DBF4: variants seen among roughly 807,000 people sequenced by gnomAD.
The protein encoded by DBF4 is protein DBF4 homolog A.
A neutral mutation model predicts 76.6 loss-of-function variants in DBF4; 25 were observed. That is an observed-to-expected ratio of 0.33 (90% confidence interval 0.24 to 0.46). The LOEUF (loss-of-function observed/expected upper bound fraction) is 0.46, where lower values mean the gene tolerates loss of function less well. Among genes scored for constraint, DBF4 ranks in the 20% least tolerant of loss-of-function variants. The pLI, the probability that DBF4 is intolerant of heterozygous loss-of-function variation, is 1.00. For synonymous variants in DBF4, 213 were observed against 258.0 expected (o/e 0.83, Z 1.67); for missense variants, 638 against 760.8 (o/e 0.84, Z 1.90).
Position 87,887,413 on chromosome 7 carries a change from A to C in DBF4, c.520+15A>C. ...TCATATTGATGGTAAGGATTTTATA[A>C]TTGTTTTTTGACAGTATTTGTTTTA... On this transcript the variant is annotated intron_variant, in intron 5 of 11. Coordinates refer to ENST00000265728, the MANE Select transcript of DBF4 (RefSeq NM_006716.4). The C allele has an allele frequency of 6.4e-7, 1 of 1,559,694 alleles. No individual in the cohort carries two copies.
chr7:87,881,128 C>G (rs1839203198), intron 2 of DBF4, among the ~76,000 whole-genome samples: 1 of 152,204 alleles, frequency 6.6e-6, no homozygotes, highest in Admixed American at 6.5e-5. Flanking sequence ...TGAATCCAGC[C>G]AGGCTCGGAG....
At chr7:87,890,830 A>G (rs528314286) in intron 6 of DBF4, among the ~76,000 whole-genome samples, 6 of 152,352 alleles carry the variant, frequency 3.9e-5, no homozygotes, top group Non-Finnish European at 8.8e-5. Context: ...TAAAATAGCT[A>G]TGAAACAGAT....
At position 87,900,404 on chromosome 7, in the gene DBF4, T is replaced by C. The variant is rs1839747810; in HGVS notation, c.809+55T>C. 7 of 1,536,424 alleles carry C rather than the reference T, an allele frequency of 4.6e-6. No individual in the cohort carries two copies. In the Admixed American group the frequency reaches 6.7e-5, roughly 15 times the overall value. On this transcript the variant is annotated intron_variant, in intron 9 of 11. Coordinates refer to ENST00000265728, the MANE Select transcript of DBF4 (RefSeq NM_006716.4). ...ATATTCAGAATTTCATCTCAATTTTTCTTTGTAAAGATTTGAAATAGTTTC... is the reference window on the plus strand; with the variant it reads ...ATATTCAGAATTTCATCTCAATTTTCCTTTGTAAAGATTTGAAATAGTTTC...
At position 87,876,544 on chromosome 7, in the gene DBF4, C is replaced by G; in HGVS notation, c.-189C>G. ...GTTTGTGCTTTGCGCCTTCCTCCTC[C>G]GCGCCTTGGAGCCGGATCCGGCCCC... On this transcript the variant is annotated 5_prime_UTR_variant, in exon 1 of 12. Coordinates refer to ENST00000265728, the MANE Select transcript of DBF4 (RefSeq NM_006716.4). 3.2e-6 allele frequency: 2 copies of G among 624,792 alleles called. No homozygotes were observed. Among genetic ancestry groups the G allele is most frequent in the Non-Finnish European group, 2.8e-6 (1 of 353,242 alleles). 38.7% of individuals were successfully genotyped at this position (624,792 alleles called of 1,614,324 possible).
intron 8 of DBF4, among the ~76,000 whole-genome samples, chr7:87,899,747 T>C (rs1049947654): frequency 1.3e-5 from 2 of 152,340 alleles, no homozygotes; most frequent in East Asian, 1.9e-4. Context: ...TTTAAGACGT[T>C]ATGCTAAGTG....
intron 6 of DBF4, 90 bp from the exon 7 acceptor site, chr7:87,896,384 A>AT (rs989777557): frequency 2.0e-5 from 20 of 1,008,534 alleles, no homozygotes; most frequent in Admixed American, 9.2e-5. Flanking sequence ...TTTCTGCATG[A>AT]TTTTTTTATC....
chr7:87,884,002 A>T (rs1043838862), intron 2 of DBF4, among the ~76,000 whole-genome samples: 3 of 152,110 alleles, frequency 2.0e-5, no homozygotes, highest in African/African-American at 7.2e-5. Context: ...ACTTTGGTAC[A>T]TGTCTTTATA....
intron 10 of DBF4, among the ~76,000 whole-genome samples, chr7:87,902,682 T>C (rs1839817089): frequency 6.6e-6 from 1 of 152,210 alleles, no homozygotes; most frequent in Admixed American, 6.5e-5. Context: ...AAATTTTTCC[T>C]TCCCAGAACA....
intron 6 of DBF4, among the ~76,000 whole-genome samples, chr7:87,889,068 A>G (rs569642345): frequency 5.2e-4 from 79 of 152,334 alleles, no homozygotes; most frequent in African/African-American, 1.9e-3. Context: ...GTGACAAAAG[A>G]TAAAGCTGGA....
intron 2 of DBF4, among the ~76,000 whole-genome samples, chr7:87,884,736 A>AT (rs1260540569): frequency 6.6e-6 from 1 of 152,136 alleles, no homozygotes; most frequent in East Asian, 1.9e-4. Flanking sequence ...TCAAATTGAA[A>AT]TTTTTTACTG....
chr7:87,880,749 C>T (rs1839191827), intron 2 of DBF4, among the ~76,000 whole-genome samples: 1 of 151,956 alleles, frequency 6.6e-6, no homozygotes, highest in East Asian at 1.9e-4. Flanking sequence ...CCACTGAGAG[C>T]ACAGCACCCA....
Position 87,908,059 on chromosome 7 carries a change from A to G in DBF4, c.1921A>G (p.Ser641Gly), listed in dbSNP as rs917061392. Residue 641 changes from serine (S) to glycine (G), a missense_variant, in exon 12 of 12, where the codon AGT becomes GGT. Coordinates refer to ENST00000265728, the MANE Select transcript of DBF4 (RefSeq NM_006716.4). Reference sequence around the variant, plus strand: ...GGGTTTCACAAGCTACACAGAAAAGAGTGGTATATGCAATGTTTTAGATAT... The same window carrying G: ...GGGTTTCACAAGCTACACAGAAAAGGGTGGTATATGCAATGTTTTAGATAT... ...FLGFTSYTEK[S>G]GICNVLDIWE... 6.8e-6 allele frequency: 11 copies of G among 1,613,636 alleles called. No individual in the cohort carries two copies. Among genetic ancestry groups the G allele is most frequent in the South Asian group, 1.1e-5 (1 of 91,028 alleles).
chr7:87,887,323 T>C lies in DBF4; in HGVS notation c.451-6T>C. ...TAGAACAACCATAAAACTTTTTTTT[T>C]TACAGGATTTTATTCCTTCAAATAG... On this transcript the variant is annotated splice_region_variant and splice_polypyrimidine_tract_variant and intron_variant, in intron 4 of 11. Coordinates refer to ENST00000265728, the MANE Select transcript of DBF4 (RefSeq NM_006716.4). 1 of 1,509,068 alleles carries C rather than the reference T, an allele frequency of 6.6e-7. No individual in the cohort carries two copies. The highest frequency in any genetic ancestry group is 9.0e-7 in the Non-Finnish European group (1 of 1,112,246). The allele number at this position is 1,509,068 out of a possible 1,614,324, so 93.5% of individuals were successfully genotyped here.
intron 6 of DBF4, among the ~76,000 whole-genome samples, chr7:87,892,050 A>G (rs1296094050): frequency 6.6e-6 from 1 of 152,236 alleles, no homozygotes; most frequent in African/African-American, 2.4e-5. Flanking sequence ...AACATCCCAC[A>G]CCAGAGTGGT....
At position 87,876,547 on chromosome 7, in the gene DBF4, G is replaced by T. The variant is rs984881625; in HGVS notation, c.-186G>T. ...TGTGCTTTGCGCCTTCCTCCTCCGC[G>T]CCTTGGAGCCGGATCCGGCCCCGGA... is the stretch of plus-strand genomic sequence containing the variant. On this transcript the variant is annotated 5_prime_UTR_variant, in exon 1 of 12. Coordinates refer to ENST00000265728, the MANE Select transcript of DBF4 (RefSeq NM_006716.4). 4 of 624,572 alleles carry T rather than the reference G, an allele frequency of 6.4e-6. No individual in the cohort carries two copies. In the Admixed American group the frequency reaches 8.3e-5, roughly 13 times the overall value. 38.7% of individuals were successfully genotyped at this position (624,572 alleles called of 1,614,324 possible). A position where few individuals can be genotyped will look rare whatever the true frequency, so the allele number is the denominator to read the frequency against.
At chr7:87,896,394 C>A in intron 6 of DBF4, 80 bp from the exon 7 acceptor site, 1 of 1,074,172 alleles carries the variant, frequency 9.3e-7, no homozygotes, top group Non-Finnish European at 1.4e-6. Flanking sequence ...ATTTTTTTAT[C>A]TTGAAGATAC....
intron 2 of DBF4, among the ~76,000 whole-genome samples, chr7:87,883,010 G>A (rs1839254774): frequency 6.6e-6 from 1 of 152,244 alleles, no homozygotes; most frequent in Admixed American, 6.5e-5. Flanking sequence ...ATTCACAATA[G>A]CTAAAAAGTG....
chr7:87,876,965 C>G (rs1040334917), intron 1 of DBF4, among the ~76,000 whole-genome samples, 187 bp downstream of exon 1: 1 of 152,220 alleles, frequency 6.6e-6, no homozygotes, highest in African/African-American at 2.4e-5. Context: ...GACCCGGCCC[C>G]TCGAGCGCTC....
At chr7:87,904,815 A>G (rs898624803) in intron 11 of DBF4, among the ~76,000 whole-genome samples, 12 of 152,328 alleles carry the variant, frequency 7.9e-5, no homozygotes, top group African/African-American at 2.9e-4. Flanking sequence ...CTGTTCTTAG[A>G]AGGAATATGT....
Sources: gnomAD v4.1 joint callset for allele counts (sites outside exome capture counted in the v4.1 genomes callset) on GRCh38, gnomAD v4.1.1 for gene constraint, MANE v1.5 for transcripts, NCBI Gene and HGNC (gene_info 2026-07-23, HGNC 2026-07-21) for gene names.